DLG2: variants seen among roughly 807,000 people sequenced by gnomAD.
DLG2 encodes the protein discs large MAGUK scaffold protein 2.
A neutral mutation model predicts 132.5 loss-of-function variants in DLG2; 45 were observed. The ratio of observed to expected loss-of-function variants is 0.34; its 90% CI spans 0.27 to 0.44. DLG2 has a LOEUF of 0.44. Among genes scored for constraint, DLG2 ranks in the 20% least tolerant of loss-of-function variants. The pLI, the probability that DLG2 is intolerant of heterozygous loss-of-function variation, is 1.00. For synonymous variants in DLG2, 424 were observed against 419.6 expected, an observed-to-expected ratio of 1.01 and a Z score of -0.13; for missense variants, 1,045 against 1,196.9, an observed-to-expected ratio of 0.87 and a Z score of 1.87.
At chr11:84,716,734 A>G (rs1169811269) in intron 6 of DLG2, among the ~76,000 whole-genome samples, 1 of 151,282 alleles carries the variant, frequency 6.6e-6, no homozygotes, top group Non-Finnish European at 1.5e-5. Context: ...GTAGGGGGGA[A>G]CTGATATAAT....
At chr11:84,994,915 C>T (rs1021324346) in intron 6 of DLG2, among the ~76,000 whole-genome samples, 2 of 152,142 alleles carry the variant, frequency 1.3e-5, no homozygotes, top group Non-Finnish European at 2.9e-5. Context: ...TCTTAAGGAA[C>T]TTAATATGTG....
At chr11:83,756,643 G>A (rs1017248407) in intron 18 of DLG2, among the ~76,000 whole-genome samples, 1 of 151,362 alleles carries the variant, frequency 6.6e-6, no homozygotes, top group African/African-American at 2.5e-5. Flanking sequence ...AGAATCGAAT[G>A]TGGTAATACA....
At chr11:85,199,267 C>T (rs1352171945) in intron 4 of DLG2, among the ~76,000 whole-genome samples, 1 of 152,104 alleles carries the variant, frequency 6.6e-6, no homozygotes, top group Non-Finnish European at 1.5e-5. Flanking sequence ...ACCTCAAAAT[C>T]ATTATATTGA....
chr11:85,037,127 C>A (rs1025518216), intron 6 of DLG2, among the ~76,000 whole-genome samples: 1 of 152,334 alleles, frequency 6.6e-6, no homozygotes, highest in African/African-American at 2.4e-5. Flanking sequence ...AATCCATCAA[C>A]TCACCTGAGC....
chr11:84,915,528 C>T (rs939623378), intron 6 of DLG2, among the ~76,000 whole-genome samples: 6 of 152,116 alleles, frequency 3.9e-5, no homozygotes, highest in Admixed American at 1.3e-4. Flanking sequence ...TTGAGAATTC[C>T]AAACATATGC....
chr11:83,835,108 TA>T (rs929629990), intron 16 of DLG2, among the ~76,000 whole-genome samples: 5 of 152,184 alleles, frequency 3.3e-5, no homozygotes, highest in African/African-American at 1.2e-4. Context: ...ATAAATTATG[TA>T]ACAATGCATT....
At chr11:85,458,002 T>C (rs2092475247) in intron 3 of DLG2, among the ~76,000 whole-genome samples, 1 of 152,196 alleles carries the variant, frequency 6.6e-6, no homozygotes, top group African/African-American at 2.4e-5. Context: ...TGGGGAAGCT[T>C]TCACAGGTGA....
chr11:84,054,291 T>C (rs2096458936), intron 11 of DLG2, among the ~76,000 whole-genome samples: 1 of 152,070 alleles, frequency 6.6e-6, no homozygotes. Context: ...TGATTTAATG[T>C]GTTCTTGCGA....
At chr11:85,592,038 A>G (rs1292685459) in intron 3 of DLG2, among the ~76,000 whole-genome samples, 1 of 152,196 alleles carries the variant, frequency 6.6e-6, no homozygotes, top group Non-Finnish European at 1.5e-5. Flanking sequence ...AGCAACAACA[A>G]TGTACAATAA....
chr11:84,228,404 T>G (rs1191126294), intron 8 of DLG2, among the ~76,000 whole-genome samples: 1 of 152,202 alleles, frequency 6.6e-6, no homozygotes, highest in Non-Finnish European at 1.5e-5. Flanking sequence ...CAATTGTTAG[T>G]TATTATCTAT....
At chr11:85,529,682 G>A (rs1167724140) in intron 3 of DLG2, among the ~76,000 whole-genome samples, 1 of 151,990 alleles carries the variant, frequency 6.6e-6, no homozygotes, top group Non-Finnish European at 1.5e-5. Context: ...CTATATTAAA[G>A]TTTCTTAATC....
Position 83,457,982 on chromosome 11 carries a change from G to A in DLG2, c.*1836C>T, listed in dbSNP as rs1299181669. 1 of 152,614 alleles carries A rather than the reference G, an allele frequency of 6.6e-6. No homozygotes were observed. Among genetic ancestry groups the A allele is most frequent in the Non-Finnish European group, 1.5e-5 (1 of 68,038 alleles). The allele number at this position is 152,614 out of a possible 1,614,324, so 9.5% of individuals were successfully genotyped here. A position where few individuals can be genotyped will look rare whatever the true frequency, so the allele number is the denominator to read the frequency against. ...TGATGTTTAGCGTAAGATGAACAAT[G>A]CCTGTTTTTGGAAAGAGACTCTCAT... On this transcript the variant is annotated 3_prime_UTR_variant, in exon 28 of 28. Transcript: ENST00000376104.
chr11:83,590,320 C>T (rs887726009), intron 19 of DLG2, among the ~76,000 whole-genome samples: 4 of 152,190 alleles, frequency 2.6e-5, no homozygotes, highest in African/African-American at 7.2e-5. Flanking sequence ...CAAACTAGAA[C>T]TCAGGATGAA....
intron 19 of DLG2, among the ~76,000 whole-genome samples, chr11:83,626,875 T>A (rs1457712945): frequency 6.6e-6 from 1 of 152,134 alleles, no homozygotes; most frequent in Non-Finnish European, 1.5e-5. Context: ...AGCTGAGCAT[T>A]CTGGAGCCAT....
intron 19 of DLG2, among the ~76,000 whole-genome samples, chr11:83,548,096 C>A (rs1762259488): frequency 6.6e-6 from 1 of 152,090 alleles, no homozygotes; most frequent in African/African-American, 2.4e-5. Flanking sequence ...GGAAAGGGAT[C>A]CTGGTTACAC....
intron 7 of DLG2, among the ~76,000 whole-genome samples, chr11:84,349,009 T>G (rs2098550893): frequency 6.6e-6 from 1 of 152,162 alleles, no homozygotes; most frequent in Admixed American, 6.5e-5. Context: ...TACCATTGCT[T>G]AAGCCACCAA....
chr11:83,613,496 A>T (rs2060397545), intron 19 of DLG2, among the ~76,000 whole-genome samples: 1 of 152,182 alleles, frequency 6.6e-6, no homozygotes, highest in Non-Finnish European at 1.5e-5. Flanking sequence ...CAACCTTTTC[A>T]ATCTGTTTTA....
At chr11:84,810,148 A>C (rs1291893499) in intron 6 of DLG2, among the ~76,000 whole-genome samples, 1 of 152,134 alleles carries the variant, frequency 6.6e-6, no homozygotes, top group African/African-American at 2.4e-5. Context: ...TGCACTGGAA[A>C]AATCATATTA....
rs2057286844 is a variant in DLG2, at chr11:83,840,407, A to G, written c.1566-6637T>C. Among the ~76,000 whole-genome samples the G allele has an allele frequency of 1.3e-5, 2 of 152,220 alleles. 1 individual carries two copies. The highest frequency in any genetic ancestry group is 1.3e-4 in the Admixed American group (2 of 15,282). On this transcript the variant is annotated intron_variant, in intron 16 of 27. Coordinates refer to ENST00000376104, the MANE Select transcript of DLG2 (RefSeq NM_001142699.3). ...AGGTCTCCATTTCATATTATAATTA[A>G]TTACACGAATGTCTTTCCCTCTTCC...
Sources: allele counts gnomAD v4.1 joint callset (sites outside exome capture counted in the v4.1 genomes callset), GRCh38; gene constraint gnomAD v4.1.1; transcripts MANE v1.5; gene names NCBI Gene and HGNC (gene_info 2026-07-23, HGNC 2026-07-21).